The following AGBL3 variants were observed in gnomAD, a reference collection of about 807,000 sequenced individuals.
AGBL3 encodes cytosolic carboxypeptidase 3.
AGBL3 carries 68 observed loss-of-function variants against 94.5 expected under a neutral mutation model. The observed-to-expected ratio is 0.72, with a 90% CI of 0.59 to 0.88. The LOEUF (loss-of-function observed/expected upper bound fraction) is 0.88, where lower values mean the gene tolerates loss of function less well. AGBL3 is among the 40% of genes least tolerant of loss of function. The pLI is 0.00. For missense variants in AGBL3, 934 were observed against 1,103.8 expected, an observed-to-expected ratio of 0.85 and a Z score of 2.18; for synonymous variants, 354 against 370.7, an observed-to-expected ratio of 0.95 and a Z score of 0.52.
At chr7:135,047,934 T>C (rs1413015048) in intron 11 of AGBL3, among the ~76,000 whole-genome samples, 2 of 151,986 alleles carry the variant, frequency 1.3e-5, no homozygotes, top group African/African-American at 4.8e-5. Flanking sequence ...ATCTATGAAA[T>C]CTTTGCAGAG....
intron 15 of AGBL3, chr7:135,094,698 A>G: frequency 5.6e-6 from 2 of 357,810 alleles, no homozygotes; most frequent in South Asian, 4.3e-5. Flanking sequence ...TAGGTTAGAG[A>G]CAAATGAAGC....
In AGBL3 at chr7:134,992,478, A is replaced by G. The variant is rs548141095; in HGVS notation, c.125-1015A>G. ...AATTATCTTGTTTTCCTATTTATAT[A>G]TGCCCTACTACAGTGTAAGCTCATG... On this transcript the variant is annotated intron_variant, in intron 3 of 16. Coordinates refer to ENST00000436302, the MANE Select transcript of AGBL3 (RefSeq NM_178563.4). 8.4e-4 allele frequency among the ~76,000 whole-genome samples: 128 copies of G among 152,282 alleles called. 5 individuals are homozygous for G. The South Asian group carries it at 0.026, about 31-fold the overall frequency.
intron 3 of AGBL3, among the ~76,000 whole-genome samples, chr7:134,991,513 C>T (rs1276799934): frequency 6.6e-6 from 1 of 152,080 alleles, no homozygotes; most frequent in Non-Finnish European, 1.5e-5. Flanking sequence ...TACTGACCAC[C>T]CCACCATGTT....
At chr7:135,111,508 G>A (rs1044375475) in intron 15 of AGBL3, among the ~76,000 whole-genome samples, 1 of 152,086 alleles carries the variant, frequency 6.6e-6, no homozygotes, top group Non-Finnish European at 1.5e-5. Flanking sequence ...GTCTCAGTCA[G>A]TGTACTGCCA....
At chr7:135,114,184 C>T (rs1178846789) in intron 15 of AGBL3, among the ~76,000 whole-genome samples, 1 of 152,070 alleles carries the variant, frequency 6.6e-6, no homozygotes, top group Non-Finnish European at 1.5e-5. Flanking sequence ...TCTTTGGGAC[C>T]CTGCTTTCAA....
intron 4 of AGBL3, among the ~76,000 whole-genome samples, chr7:135,014,752 A>G (rs984138269): frequency 6.6e-6 from 1 of 152,234 alleles, no homozygotes; most frequent in Non-Finnish European, 1.5e-5. Context: ...AACCTTCACA[A>G]GGTGATCCAT....
At chr7:135,099,559 TA>T (rs1025127464) in intron 15 of AGBL3, among the ~76,000 whole-genome samples, 1 of 152,198 alleles carries the variant, frequency 6.6e-6, no homozygotes, top group Admixed American at 6.5e-5. Context: ...TCTTGGCTTC[TA>T]AAAAAATATT....
intron 15 of AGBL3, chr7:135,094,153 T>C (rs1302218454): frequency 6.2e-6 from 2 of 323,560 alleles, no homozygotes; most frequent in East Asian, 1.7e-4. Context: ...GAAGAAAATA[T>C]AGACTTACTA....
intron 12 of AGBL3, among the ~76,000 whole-genome samples, chr7:135,075,279 T>C (rs1820345559): frequency 6.6e-6 from 1 of 152,242 alleles, no homozygotes; most frequent in Non-Finnish European, 1.5e-5. Flanking sequence ...TTTCTGTAAA[T>C]GTATCATTCA....
In AGBL3 at chr7:135,045,847, C is replaced by T. The variant is rs1273442960; in HGVS notation, c.1777C>T (p.Leu593=). The T allele has an allele frequency of 2.6e-6, 4 of 1,550,656 alleles. No individual in the cohort carries two copies. The African/African-American group carries it at 4.1e-5, about 16-fold the overall frequency. Residue 593 remains leucine, a synonymous_variant, in exon 11 of 17, where the codon CTG becomes TTG. Coordinates refer to ENST00000436302, the MANE Select transcript of AGBL3 (RefSeq NM_178563.4). ...ELEEMERHIT[L]EKVFEDSDTP... is the part of the protein sequence containing the mutation. ...AGAAGAAATGGAAAGACATATAACC[C>T]TGGAAAAAGTCTTTGAGGATTCAGA...
At chr7:135,053,610 AAAAACAAAACAAAAC>A (rs201764002) in intron 11 of AGBL3, among the ~76,000 whole-genome samples, 11 of 151,912 alleles carry the variant, frequency 7.2e-5, no homozygotes, top group Non-Finnish European at 1.2e-4. Flanking sequence ...TCCGTCTCAA[AAAAACAAAACAAAAC>A]AAAACAAAAC....
At chr7:135,122,586 A>T (rs1827288523) in intron 16 of AGBL3, among the ~76,000 whole-genome samples, 1 of 152,038 alleles carries the variant, frequency 6.6e-6, no homozygotes, top group Non-Finnish European at 1.5e-5. Context: ...ACTGGGTAAG[A>T]CCCTCCAACA....
chr7:135,098,301 A>C (rs1228546056), intron 15 of AGBL3, among the ~76,000 whole-genome samples: 1 of 152,204 alleles, frequency 6.6e-6, no homozygotes, highest in African/African-American at 2.4e-5. Flanking sequence ...AAAATGGCAT[A>C]GTGTTTGCAT....
intron 8 of AGBL3, among the ~76,000 whole-genome samples, chr7:135,040,684 AC>A (rs1452389634): frequency 6.6e-6 from 1 of 152,196 alleles, no homozygotes; most frequent in African/African-American, 2.4e-5. Flanking sequence ...TTGATGAAAG[AC>A]TGAATGTTTT....
intron 12 of AGBL3, among the ~76,000 whole-genome samples, chr7:135,068,670 C>A (rs1819594351): frequency 1.3e-5 from 2 of 152,162 alleles, no homozygotes; most frequent in Non-Finnish European, 2.9e-5. Flanking sequence ...AAATACCTTA[C>A]AGACAAGTAA....
chr7:135,069,088 TA>T (rs1819638436), intron 12 of AGBL3, among the ~76,000 whole-genome samples: 1 of 152,074 alleles, frequency 6.6e-6, no homozygotes, highest in African/African-American at 2.4e-5. Context: ...TAGTCTCTGA[TA>T]AAACAGACTT....
At chr7:135,126,160 CA>C (rs1291008016) in intron 16 of AGBL3, among the ~76,000 whole-genome samples, 1 of 152,094 alleles carries the variant, frequency 6.6e-6, no homozygotes, top group Non-Finnish European at 1.5e-5. Flanking sequence ...ATCTCAGCCC[CA>C]AAACTCCTTA....
chr7:135,023,705 C>G (rs1015640941), intron 5 of AGBL3, among the ~76,000 whole-genome samples: 4 of 152,198 alleles, frequency 2.6e-5, no homozygotes, highest in African/African-American at 9.6e-5. Context: ...GCAGGGCTGA[C>G]TATCCTATCC....
chr7:135,067,597 G>C (rs1393601685), intron 12 of AGBL3, among the ~76,000 whole-genome samples: 1 of 152,190 alleles, frequency 6.6e-6, no homozygotes, highest in Admixed American at 6.5e-5. Flanking sequence ...CCGCTGTTCT[G>C]CAGCCTCCGC....
Sources: gnomAD v4.1 joint callset for allele counts (sites outside exome capture counted in the v4.1 genomes callset) on GRCh38, gnomAD v4.1.1 for gene constraint, MANE v1.5 for transcripts, NCBI Gene and HGNC (gene_info 2026-07-23, HGNC 2026-07-21) for gene names.